PKHD1L1: variants seen among roughly 807,000 people sequenced by gnomAD.
PKHD1L1 encodes fibrocystin-L.
In PKHD1L1, 434 loss-of-function variants were observed where a neutral mutation model predicts 462.9. The observed-to-expected ratio is 0.94, with a 90% CI of 0.87 to 1.02. The LOEUF is 1.02. Among genes scored for constraint, PKHD1L1 ranks in the 50% least tolerant of loss-of-function variants. The pLI is 0.00. For missense variants in PKHD1L1, 5,202 were observed against 5,096.1 expected, an observed-to-expected ratio of 1.02 and a Z score of -0.63; for synonymous variants, 1,781 against 1,750.0, an observed-to-expected ratio of 1.02 and a Z score of -0.44.
At chr8:109,447,231 A>G (rs1335167616) in intron 38 of PKHD1L1, among the ~76,000 whole-genome samples, 1 of 152,196 alleles carries the variant, frequency 6.6e-6, no homozygotes, top group Non-Finnish European at 1.5e-5. Flanking sequence ...TCCGAAACAA[A>G]CAAACAAACA....
intron 29 of PKHD1L1, among the ~76,000 whole-genome samples, chr8:109,435,600 A>G (rs763079116): frequency 2.0e-5 from 3 of 152,198 alleles, no homozygotes; most frequent in Non-Finnish European, 4.4e-5. Context: ...CAATTATTAC[A>G]TGTTTCTATA....
chr8:109,456,875 C>T (rs965732252), intron 46 of PKHD1L1, among the ~76,000 whole-genome samples: 1 of 151,854 alleles, frequency 6.6e-6, no homozygotes, highest in Non-Finnish European at 1.5e-5. Context: ...TGAGCAAAAT[C>T]GTTAATAATG....
intron 41 of PKHD1L1, among the ~76,000 whole-genome samples, chr8:109,451,358 G>A (rs948810894): frequency 6.6e-6 from 1 of 152,182 alleles, no homozygotes; most frequent in Non-Finnish European, 1.5e-5. Flanking sequence ...CCACGGAGAA[G>A]TCCTGCCTTA....
intron 71 of PKHD1L1, among the ~76,000 whole-genome samples, chr8:109,513,196 C>T (rs1309457774): frequency 1.3e-5 from 2 of 151,792 alleles, no homozygotes; most frequent in Admixed American, 6.6e-5. Context: ...ATTTCCTTCT[C>T]CTGCCTAATT....
intron 57 of PKHD1L1, 60 bp from the exon 58 acceptor site, chr8:109,484,984 C>A (rs1818453481): frequency 1.5e-6 from 2 of 1,343,146 alleles, no homozygotes; most frequent in African/African-American, 1.5e-5. Context: ...ATAATGATAT[C>A]AAGAAATATA....
At chr8:109,505,671 G>T (rs1289465515) in intron 68 of PKHD1L1, among the ~76,000 whole-genome samples, 1 of 152,090 alleles carries the variant, frequency 6.6e-6, no homozygotes, top group Non-Finnish European at 1.5e-5. Flanking sequence ...GGCTGAGGCA[G>T]GAGGATTGCT....
chr8:109,434,628 C>G (rs1815295106), intron 28 of PKHD1L1, among the ~76,000 whole-genome samples: 1 of 151,930 alleles, frequency 6.6e-6, no homozygotes, highest in Non-Finnish European at 1.5e-5. Context: ...GACACCACAC[C>G]CAGCTATTTT....
At position 109,531,836 on chromosome 8, in the gene PKHD1L1, G is replaced by A. The variant is rs749479722; in HGVS notation, c.*1746G>A. On this transcript the variant is annotated 3_prime_UTR_variant, in exon 78 of 78. Transcript: ENST00000378402. ...TCCCCTCAGTTCCAACCCTGGTGGG[G>A]TGAAAAACCTCTGTTCCTGGGATAG... is the stretch of plus-strand genomic sequence containing the variant. Among the ~76,000 whole-genome samples, 1 of 152,000 alleles carries A rather than the reference G, an allele frequency of 6.6e-6. No individual in the cohort carries two copies. Among genetic ancestry groups the A allele is most frequent in the African/African-American group, 2.4e-5 (1 of 41,360 alleles).
intron 45 of PKHD1L1, among the ~76,000 whole-genome samples, chr8:109,455,660 C>A (rs1002369196): frequency 6.6e-6 from 1 of 152,004 alleles, no homozygotes; most frequent in East Asian, 1.9e-4. Context: ...TATCCTAGAA[C>A]CTTGTCAGCA....
intron 30 of PKHD1L1, among the ~76,000 whole-genome samples, chr8:109,437,861 C>T (rs1815522789): frequency 6.6e-6 from 1 of 151,996 alleles, no homozygotes; most frequent in Admixed American, 6.6e-5. Context: ...GCAAAAGCAT[C>T]AAATAGTTTT....
intron 38 of PKHD1L1, among the ~76,000 whole-genome samples, chr8:109,446,540 G>A (rs1244091019): frequency 1.3e-5 from 2 of 152,200 alleles, no homozygotes; most frequent in Admixed American, 6.5e-5. Context: ...ACAGGGAAAT[G>A]TATCAGGTTT....
intron 61 of PKHD1L1, among the ~76,000 whole-genome samples, chr8:109,491,546 T>A (rs866591587): frequency 6.6e-5 from 10 of 151,924 alleles, no homozygotes; most frequent in African/African-American, 2.4e-4. Flanking sequence ...ATTATATTTA[T>A]TTTTGTCAAT....
intron 53 of PKHD1L1, among the ~76,000 whole-genome samples, chr8:109,478,971 T>C (rs1448843074): frequency 1.3e-5 from 2 of 152,134 alleles, no homozygotes; most frequent in Non-Finnish European, 2.9e-5. Context: ...GCTATATAAC[T>C]TAATGCCTAG....
intron 73 of PKHD1L1, 108 bp downstream of exon 73, chr8:109,518,616 C>G (rs1416246852): frequency 1.1e-6 from 1 of 903,100 alleles, no homozygotes; most frequent in South Asian, 1.8e-5. Context: ...CCCATCAACC[C>G]CACATCCTGA....
chr8:109,479,430 G>A (rs1164679990), intron 53 of PKHD1L1, 121 bp from the exon 54 acceptor site: 1 of 622,174 alleles, frequency 1.6e-6, no homozygotes, highest in Admixed American at 3.1e-5. Context: ...GACAAAGCGT[G>A]CATTTTTTTT....
intron 5 of PKHD1L1, 72 bp downstream of exon 5, chr8:109,384,199 A>G (rs1407617982): frequency 1.8e-6 from 2 of 1,130,376 alleles, no homozygotes; most frequent in Non-Finnish European, 2.6e-6. Context: ...AGTATATGAA[A>G]TTAGTATAAT....
chr8:109,499,751 G>A (rs886204953), intron 67 of PKHD1L1, among the ~76,000 whole-genome samples: 10 of 152,148 alleles, frequency 6.6e-5, no homozygotes, highest in Admixed American at 2.6e-4. Flanking sequence ...TCATATTAGT[G>A]GCTTCTTGGA....
chr8:109,452,100 TTA>T (rs1816554850), intron 41 of PKHD1L1, 22 bp from the exon 42 acceptor site: 1 of 1,593,332 alleles, frequency 6.3e-7, no homozygotes, highest in African/African-American at 1.4e-5. Flanking sequence ...AACATACATG[TTA>T]TGTTTTCCCT....
In PKHD1L1 at chr8:109,419,118, C is replaced by G. The variant is rs768873076; in HGVS notation, c.2382C>G (p.Asp794Glu). The part of the protein sequence containing the change: ...YGNNWTYTCI[D>E]LLDLVRTKYT... ...TCAGCTGGACTTACACTTGCATAGACCTTCTGGATCTCGTAAGAACGAAAT... is the reference window on the plus strand; with the variant it reads ...TCAGCTGGACTTACACTTGCATAGAGCTTCTGGATCTCGTAAGAACGAAAT... Residue 794 changes from aspartate to glutamate, a missense_variant, in exon 22 of 78, where the codon GAC becomes GAG. Physicochemically the swap from Asp to Glu is conservative, Grantham distance 45 (BLOSUM62 2). Transcript: ENST00000378402. 25 of 1,612,960 alleles carry G rather than the reference C, an allele frequency of 1.5e-5. No homozygotes were observed. Among genetic ancestry groups the G allele is most frequent in the Non-Finnish European group, 2.0e-5 (23 of 1,179,326 alleles).
Sources: allele counts gnomAD v4.1 joint callset (sites outside exome capture counted in the v4.1 genomes callset), GRCh38; gene constraint gnomAD v4.1.1; transcripts MANE v1.5; gene names NCBI Gene and HGNC (gene_info 2026-07-23, HGNC 2026-07-21).